Variants in SMG5 observed in about 807,000 individuals in gnomAD.
SMG5 encodes nonsense-mediated mRNA decay factor SMG5.
SMG5 carries 53 observed loss-of-function variants against 122.9 expected under a neutral mutation model. That is an observed-to-expected ratio of 0.43 (90% CI 0.35 to 0.54). The LOEUF (loss-of-function observed/expected upper bound fraction) is 0.54, where lower values mean the gene tolerates loss of function less well. SMG5 is among the 20% of genes least tolerant of loss of function. The pLI, the probability that SMG5 is intolerant of heterozygous loss-of-function variation, is 0.01. For synonymous variants in SMG5, 477 were observed against 490.2 expected, an observed-to-expected ratio of 0.97 and a Z score of 0.35; for missense variants, 1,153 against 1,285.6, an observed-to-expected ratio of 0.90 and a Z score of 1.58.
At chr1:156,285,221 C>T, upstream of SMG5, 1 of 1,525,010 alleles carries the variant, frequency 6.6e-7, no homozygotes, top group Non-Finnish European at 8.8e-7. Flanking sequence ...GAACTGAGGC[C>T]CCAGGATGAC....
chr1:156,271,360 T>A (rs1452104951), intron 7 of SMG5, among the ~76,000 whole-genome samples: 2 of 152,238 alleles, frequency 1.3e-5, no homozygotes, highest in Non-Finnish European at 2.9e-5. Context: ...TAACTTCTTC[T>A]GAGAATGATT....
At chr1:156,277,837 C>T in intron 3 of SMG5, 88 bp downstream of exon 3, 1 of 1,559,894 alleles carries the variant, frequency 6.4e-7, no homozygotes, top group Non-Finnish European at 8.7e-7. Flanking sequence ...TTCTTGGCTC[C>T]CCTACCTCCA....
chr1:156,253,010 G>C lies in SMG5; in HGVS notation c.2571C>G (p.Leu857=). The C allele has an allele frequency of 6.2e-7, 1 of 1,613,310 alleles. No individual in the cohort carries two copies. Reference sequence around the variant, plus strand: ...GGCAGAGGGCCTGGGTGTCAGGGACGAGGTAGGGAGACATGGCTGACTGGG... The same window carrying C: ...GGCAGAGGGCCTGGGTGTCAGGGACCAGGTAGGGAGACATGGCTGACTGGG... ...PKAQSAMSPY[L]VPDTQALCHH... is the part of the protein sequence containing the mutation. Residue 857 remains leucine, a synonymous_variant, in exon 18 of 22, where the codon CTC becomes CTG. Coordinates refer to ENST00000361813, the MANE Select transcript of SMG5 (RefSeq NM_015327.3).
At chr1:156,264,596 A>G (rs1315341077) in intron 12 of SMG5, among the ~76,000 whole-genome samples, 9 of 152,230 alleles carry the variant, frequency 5.9e-5, no homozygotes, top group Non-Finnish European at 8.8e-5. Flanking sequence ...AAGCAAATCT[A>G]ACATACCCTT....
Position 156,266,398 on chromosome 1 carries a change from TCAGGTGGAGCCCGAGGAA to T in SMG5, c.1256-36_1256-19del, listed in dbSNP as rs1662142598. 2 of 1,606,810 alleles carry T rather than the reference TCAGGTGGAGCCCGAGGAA, an allele frequency of 1.2e-6. No individual in the cohort carries two copies. Among genetic ancestry groups the T allele is most frequent in the African/African-American group, 1.3e-5 (1 of 74,712 alleles). ...TGGTTCATCTGCGGAAAGAGGAAGG[TCAGGTGGAGCCCGAGGAA>T]CAGGTGGAGCCTGGAAGCTGGAATG... On this transcript the variant is annotated intron_variant, in intron 11 of 21. Coordinates refer to ENST00000361813, the MANE Select transcript of SMG5 (RefSeq NM_015327.3).
At chr1:156,269,111 C>G (rs761025266) in intron 7 of SMG5, among the ~76,000 whole-genome samples, 2 of 152,080 alleles carry the variant, frequency 1.3e-5, no homozygotes, top group Non-Finnish European at 2.9e-5. Context: ...GCTGGGATTA[C>G]AGGTGCCTGC....
chr1:156,274,586 C>T lies in SMG5; in HGVS notation c.544+11G>A. The T allele has an allele frequency of 6.2e-7, 1 of 1,612,670 alleles. No individual in the cohort carries two copies. The highest frequency in any genetic ancestry group is 1.1e-5 in the South Asian group (1 of 91,052). ...CCCAAAACAGAGAAAATGAAAGGTG[C>T]AAATTCTTACACAAATCCCCCAGAT... On this transcript the variant is annotated intron_variant, in intron 5 of 21. Coordinates refer to ENST00000361813, the MANE Select transcript of SMG5 (RefSeq NM_015327.3).
chr1:156,258,441 C>CA (rs1661673522), intron 16 of SMG5, among the ~76,000 whole-genome samples: 1 of 152,214 alleles, frequency 6.6e-6, no homozygotes, highest in East Asian at 1.9e-4. Context: ...TAAAAGGTGA[C>CA]AGAGATGGCC....
upstream of SMG5, chr1:156,285,146 CAG>C: frequency 2.7e-6 from 4 of 1,483,576 alleles, no homozygotes; most frequent in East Asian, 2.3e-5. Context: ...AACTAGAAGA[CAG>C]GGGTTTCTGA....
intron 19 of SMG5, among the ~76,000 whole-genome samples, 188 bp from the exon 20 acceptor site, chr1:156,251,665 CTGA>C (rs1232030811): frequency 6.6e-6 from 1 of 152,184 alleles, no homozygotes; most frequent in African/African-American, 2.4e-5. Context: ...ACTTTTCCTC[CTGA>C]TAACATCAAT....
chr1:156,270,084 C>T (rs1197836790), intron 7 of SMG5, among the ~76,000 whole-genome samples: 1 of 152,160 alleles, frequency 6.6e-6, no homozygotes, highest in Non-Finnish European at 1.5e-5. Context: ...ACACTCATGA[C>T]ATTTTGTGTC....
At position 156,278,954 on chromosome 1, in the gene SMG5, T is replaced by G; in HGVS notation, c.155A>C (p.Asn52Thr). The change falls in exon 2 of 22, where the codon AAC (asparagine) becomes ACC (threonine). Residue 52 changes from asparagine to threonine, a missense_variant. Asn to Thr is a moderately conservative substitution (Grantham distance 65). Transcript: ENST00000361813. ...TAYQEVFKPE[N>T]ISLRNKLREL... is the part of the protein sequence containing the mutation. ...AGCTTACTTGTTCCTCAGGCTAATGTTTTCTGGTTTGAATACTTCTTGATA... is the reference window on the plus strand; with the variant it reads ...AGCTTACTTGTTCCTCAGGCTAATGGTTTCTGGTTTGAATACTTCTTGATA... The G allele has an allele frequency of 6.2e-7, 1 of 1,614,124 alleles. No homozygotes were observed. The highest frequency in any genetic ancestry group is 8.5e-7 in the Non-Finnish European group (1 of 1,179,994).
chr1:156,257,791 C>T (rs1661647281), intron 16 of SMG5, among the ~76,000 whole-genome samples: 1 of 152,108 alleles, frequency 6.6e-6, no homozygotes, highest in African/African-American at 2.4e-5. Flanking sequence ...GCTACTGGCC[C>T]TGGGACAGGT....
chr1:156,254,664 A>C (rs1424196472), intron 16 of SMG5, among the ~76,000 whole-genome samples: 1 of 152,044 alleles, frequency 6.6e-6, no homozygotes, highest in African/African-American at 2.4e-5. Flanking sequence ...GGCTGGTCTC[A>C]AACTCCTGAG....
chr1:156,272,454 C>T, intron 6 of SMG5, 56 bp from the exon 7 acceptor site: 2 of 1,423,884 alleles, frequency 1.4e-6, no homozygotes, highest in Non-Finnish European at 9.7e-7. Flanking sequence ...TCAAAGCTGC[C>T]AGGCCCAACC....
chr1:156,285,225 G>A, upstream of SMG5: 2 of 1,526,666 alleles, frequency 1.3e-6, no homozygotes, highest in Non-Finnish European at 8.8e-7. Flanking sequence ...TGAGGCCCCA[G>A]GATGACAGAA....
intron 12 of SMG5, 34 bp downstream of exon 12, chr1:156,265,747 G>A (rs372730977): frequency 3.0e-5 from 47 of 1,592,590 alleles, no homozygotes; most frequent in African/African-American, 8.0e-5. Context: ...ATGGAGGTGC[G>A]GACCAGAACA....
intron 16 of SMG5, among the ~76,000 whole-genome samples, chr1:156,256,181 C>T (rs1032059539): frequency 6.6e-6 from 1 of 152,126 alleles, no homozygotes; most frequent in Non-Finnish European, 1.5e-5. Flanking sequence ...ACTCCCACCC[C>T]CCTGCAGAGT....
At chr1:156,284,912 CTG>C (rs1401691167), upstream of SMG5, among the ~76,000 whole-genome samples, 1 of 152,162 alleles carries the variant, frequency 6.6e-6, no homozygotes, top group African/African-American at 2.4e-5. Flanking sequence ...TGGAGGCTGA[CTG>C]AGTTCACAGC....
Sources: allele counts gnomAD v4.1 joint callset (sites outside exome capture counted in the v4.1 genomes callset), GRCh38; gene constraint gnomAD v4.1.1; transcripts MANE v1.5; gene names NCBI Gene and HGNC (gene_info 2026-07-23, HGNC 2026-07-21).